The following TMEM37 variants were observed in gnomAD, a reference collection of about 807,000 sequenced individuals.
TMEM37 encodes voltage-dependent calcium channel gamma-like subunit.
In TMEM37, 12 loss-of-function variants were observed where a neutral mutation model predicts 11.0. That is an observed-to-expected ratio of 1.09 (90% confidence interval 0.70 to 1.76). The LOEUF (loss-of-function observed/expected upper bound fraction) is 1.76, where lower values mean the gene tolerates loss of function less well. Among genes scored for constraint, TMEM37 ranks in the 40% most tolerant of loss-of-function variants. TMEM37 has a pLI of 0.00. For synonymous variants in TMEM37, 127 were observed against 110.5 expected (o/e 1.15, Z -0.94); for missense variants, 203 against 251.2 (o/e 0.81, Z 1.30).
intron 1 of TMEM37, among the ~76,000 whole-genome samples, chr2:119,434,456 G>A (rs1190046237): frequency 6.7e-6 from 1 of 148,724 alleles, no homozygotes; most frequent in African/African-American, 2.6e-5. Context: ...CTTACCGGTA[G>A]ATTTTTTTTT....
chr2:119,432,031 G>A (rs1021614273), intron 1 of TMEM37, 107 bp downstream of exon 1: 1 of 796,098 alleles, frequency 1.3e-6, no homozygotes, highest in Non-Finnish European at 1.7e-6. Context: ...GCCGGCGTCG[G>A]GCTGGGGGTG....
chr2:119,431,970 G>A, intron 1 of TMEM37, 46 bp downstream of exon 1: 2 of 1,178,790 alleles, frequency 1.7e-6, no homozygotes, highest in Non-Finnish European at 2.1e-6. Context: ...CTGCCCCGCC[G>A]TGGGAGGTTG....
chr2:119,430,789 C>T (rs2104733283), upstream of TMEM37, among the ~76,000 whole-genome samples: 1 of 152,208 alleles, frequency 6.6e-6, no homozygotes, highest in East Asian at 1.9e-4. Flanking sequence ...CTTGGACACT[C>T]CTCCCACCTC....
intron 1 of TMEM37, among the ~76,000 whole-genome samples, chr2:119,433,211 G>C (rs1163626701): frequency 2.0e-5 from 3 of 152,234 alleles, no homozygotes; most frequent in Non-Finnish European, 1.5e-5. Context: ...CAGCTGGGGA[G>C]GCCACAGGCT....
chr2:119,431,304 A>C (rs1573761593), upstream of TMEM37, among the ~76,000 whole-genome samples: 1 of 152,344 alleles, frequency 6.6e-6, no homozygotes, highest in Non-Finnish European at 1.5e-5. Context: ...TTGCCCCAAA[A>C]AGTTCCACTC....
intron 1 of TMEM37, among the ~76,000 whole-genome samples, chr2:119,434,376 G>A (rs190099938): frequency 6.6e-6 from 1 of 152,208 alleles, no homozygotes; most frequent in Admixed American, 6.5e-5. Flanking sequence ...TTAAGAAACT[G>A]CCCAAGGACA....
intron 1 of TMEM37, among the ~76,000 whole-genome samples, chr2:119,432,501 GT>G (rs1682422088): frequency 6.6e-6 from 1 of 152,114 alleles, no homozygotes; most frequent in African/African-American, 2.4e-5. Context: ...AGAAGCCCGT[GT>G]CTCCGAAGAT....
intron 1 of TMEM37, among the ~76,000 whole-genome samples, chr2:119,432,496 C>G (rs1385157393): frequency 6.6e-6 from 1 of 152,082 alleles, no homozygotes; most frequent in Non-Finnish European, 1.5e-5. Context: ...AGGGAAGAAG[C>G]CCGTGTCTCC....
intron 1 of TMEM37, among the ~76,000 whole-genome samples, chr2:119,434,585 G>A (rs1006689679): frequency 1.1e-4 from 16 of 151,904 alleles, no homozygotes; most frequent in African/African-American, 3.6e-4. Flanking sequence ...CTGCCCACCC[G>A]GCTTCAGCAC....
rs114197773 is a variant in TMEM37 at position 119,437,097 on chromosome 2, G to A, written c.230G>A (p.Gly77Asp). 8,436 of 1,614,008 alleles carry A rather than the reference G, an allele frequency of 5.2e-3. 262 individuals carry two copies. In the African/African-American group the frequency reaches 0.081, roughly 16 times the overall value. ...CAGACGATCTGCTTCAGAGACCTGG[G>A]CCAGGCCCATGTGCCCGGGCTGGCC... The part of the protein sequence containing the change: ...TNQTICFRDL[G>D]QAHVPGLAVG... Residue 77 changes from glycine (G) to aspartate (D), a missense_variant, in exon 2 of 2, where the codon GGC (glycine) becomes GAC (aspartate). Transcript: ENST00000306406.
intron 1 of TMEM37, 40 bp from the exon 2 acceptor site, chr2:119,436,849 G>C (rs1395815203): frequency 8.4e-6 from 13 of 1,543,776 alleles, no homozygotes; most frequent in Non-Finnish European, 1.1e-5. Flanking sequence ...GGGCGTGGCA[G>C]GGCTGTGGCT....
rs775869739 is a variant in TMEM37 at position 119,437,855 on chromosome 2, T to C, written c.*415T>C. 5.7e-6 allele frequency: 1 copy of C among 176,144 alleles called. No homozygotes were observed. The highest frequency in any genetic ancestry group is 2.4e-5 in the African/African-American group (1 of 41,890). The allele number at this position is 176,144 out of a possible 1,614,324, so 10.9% of individuals were successfully genotyped here. A position where few individuals can be genotyped will look rare whatever the true frequency, so the allele number is the denominator to read the frequency against. On this transcript the variant is annotated 3_prime_UTR_variant, in exon 2 of 2. Coordinates refer to ENST00000306406, the MANE Select transcript of TMEM37 (RefSeq NM_183240.3). ...ACGTGCTGGGATAGGGGCTGCAGAA[T>C]CCCTGGGGCTCCCAGGGTTGTTAAG...
chr2:119,437,620 C>T lies in TMEM37; in HGVS notation c.*180C>T. 2 of 776,870 alleles carry T rather than the reference C, an allele frequency of 2.6e-6. No homozygotes were observed. The highest frequency in any genetic ancestry group is 4.0e-6 in the Non-Finnish European group (2 of 497,806). 48.1% of individuals were successfully genotyped at this position (776,870 alleles called of 1,614,324 possible). On this transcript the variant is annotated 3_prime_UTR_variant, in exon 2 of 2. Coordinates refer to ENST00000306406, the MANE Select transcript of TMEM37 (RefSeq NM_183240.3). ...CAGAAATGGCCCGGGGGCCTCTGCACCTGGTCTGCAGGGCCAGAGGCCAGG... is the reference window on the plus strand; with the variant it reads ...CAGAAATGGCCCGGGGGCCTCTGCATCTGGTCTGCAGGGCCAGAGGCCAGG...
intron 1 of TMEM37, chr2:119,432,165 C>T (rs746204733): frequency 7.3e-5 from 27 of 369,480 alleles, no homozygotes; most frequent in Admixed American, 3.2e-4. Context: ...CCGGCTGCTT[C>T]TGCTCGCGGC....
At chr2:119,431,267 C>T (rs1027297886), upstream of TMEM37, among the ~76,000 whole-genome samples, 2 of 152,212 alleles carry the variant, frequency 1.3e-5, no homozygotes, top group African/African-American at 4.8e-5. Context: ...CAGGGTTTTA[C>T]ATCCCCTTTT....
intron 1 of TMEM37, among the ~76,000 whole-genome samples, 171 bp from the exon 2 acceptor site, chr2:119,436,718 G>T (rs1181402370): frequency 6.6e-6 from 1 of 152,182 alleles, no homozygotes; most frequent in Non-Finnish European, 1.5e-5. Context: ...TGGAAGGGAG[G>T]AAGGGTTCCC....
upstream of TMEM37, among the ~76,000 whole-genome samples, chr2:119,431,128 C>G (rs75162231): frequency 0.023 from 3,515 of 151,678 alleles, 127 homozygotes; most frequent in African/African-American, 0.08. Flanking sequence ...CAGCCTGGGC[C>G]ACAAGCGCTA....
chr2:119,431,661 C>T (rs1401539188), upstream of TMEM37, among the ~76,000 whole-genome samples: 1 of 152,256 alleles, frequency 6.6e-6, no homozygotes, highest in African/African-American at 2.4e-5. Context: ...GTGCCGGGTC[C>T]TCCCCGCGGC....
intron 1 of TMEM37, chr2:119,432,149 C>T: frequency 2.7e-6 from 1 of 370,584 alleles, no homozygotes; most frequent in Non-Finnish European, 4.8e-6. Context: ...TCCCGAGGCG[C>T]GGACTCCGGC....
Sources: allele counts gnomAD v4.1 joint callset (sites outside exome capture counted in the v4.1 genomes callset), GRCh38; gene constraint gnomAD v4.1.1; transcripts MANE v1.5; gene names NCBI Gene and HGNC (gene_info 2026-07-23, HGNC 2026-07-21).